The following SGCZ variants were observed in gnomAD, a reference collection of about 807,000 sequenced individuals.
SGCZ encodes the protein zeta-sarcoglycan.
In SGCZ, 40 loss-of-function variants were observed where a neutral mutation model predicts 41.3. The observed-to-expected ratio is 0.97, with a 90% confidence interval of 0.75 to 1.26. The LOEUF is 1.26. Ranked by LOEUF, SGCZ falls within the 50% of genes most tolerant of loss-of-function variation. SGCZ has a pLI of 0.00. For synonymous variants in SGCZ, 206 were observed against 137.5 expected (o/e 1.50, Z -3.49); for missense variants, 552 against 369.8 (o/e 1.49, Z -4.04).
intron 1 of SGCZ, among the ~76,000 whole-genome samples, chr8:15,087,211 C>G (rs1236903584): frequency 6.6e-6 from 1 of 152,056 alleles, no homozygotes; most frequent in African/African-American, 2.4e-5. Flanking sequence ...ATTGTCAACT[C>G]ATGTCACTCT....
chr8:15,017,896 T>G (rs1446463771), intron 1 of SGCZ, among the ~76,000 whole-genome samples: 1 of 152,096 alleles, frequency 6.6e-6, no homozygotes. Flanking sequence ...CTCTTTGCAA[T>G]TCAAAACTTT....
intron 1 of SGCZ, among the ~76,000 whole-genome samples, chr8:14,874,438 T>A (rs975994283): frequency 4.6e-5 from 7 of 152,134 alleles, no homozygotes; most frequent in African/African-American, 1.4e-4. Context: ...GAAAATATGT[T>A]ACTAAATAAA....
At chr8:14,695,080 C>A (rs1043400698) in intron 1 of SGCZ, among the ~76,000 whole-genome samples, 1 of 151,938 alleles carries the variant, frequency 6.6e-6, no homozygotes, top group Non-Finnish European at 1.5e-5. Context: ...AGCAAAGTGA[C>A]TAATGTCCAA....
At chr8:14,491,598 T>C (rs891392544) in intron 2 of SGCZ, among the ~76,000 whole-genome samples, 4 of 152,184 alleles carry the variant, frequency 2.6e-5, no homozygotes, top group Non-Finnish European at 4.4e-5. Context: ...AAAGCTGATA[T>C]CAATATGAAT....
At chr8:15,163,611 C>A (rs1200697462) in intron 1 of SGCZ, among the ~76,000 whole-genome samples, 1 of 152,142 alleles carries the variant, frequency 6.6e-6, no homozygotes, top group African/African-American at 2.4e-5. Flanking sequence ...TATTGCTTAA[C>A]TAGAGACCCT....
intron 3 of SGCZ, chr8:14,319,345 A>G (rs1314191631): frequency 6.6e-6 from 1 of 151,976 alleles, no homozygotes; most frequent in Non-Finnish European, 1.5e-5. Flanking sequence ...TGTGTTCACA[A>G]ATCTGAGGCA....
At position 14,188,577 on chromosome 8, in the gene SGCZ, CAG is replaced by C. The variant is rs552143195; in HGVS notation, c.425-23877_425-23876del. Among the ~76,000 whole-genome samples, 608 of 152,210 alleles carry C rather than the reference CAG, an allele frequency of 4.0e-3. 4 individuals carry two copies. The highest frequency in any genetic ancestry group is 0.014 in the African/African-American group (579 of 41,538). On this transcript the variant is annotated intron_variant, in intron 4 of 7. Coordinates refer to ENST00000382080, the MANE Select transcript of SGCZ (RefSeq NM_139167.4). ...TGTCGGTGCTGAGAGCGAAAGGGTT[CAG>C]AGTTTCTTCTGGGGATAATGGAAAA...
chr8:14,955,381 C>G (rs149300819), intron 1 of SGCZ, among the ~76,000 whole-genome samples: 153 of 152,300 alleles, frequency 1.0e-3, no homozygotes, highest in Middle Eastern at 6.8e-3. Context: ...AGCTGGGGCT[C>G]AAACGTACAA....
chr8:14,511,693 G>T (rs959276498), intron 2 of SGCZ, among the ~76,000 whole-genome samples: 2 of 152,052 alleles, frequency 1.3e-5, no homozygotes, highest in Admixed American at 1.3e-4. Context: ...AAAGAATTTA[G>T]GGAAGAAAAG....
chr8:14,356,419 A>G (rs930369677), intron 2 of SGCZ, among the ~76,000 whole-genome samples: 4 of 152,172 alleles, frequency 2.6e-5, no homozygotes, highest in Non-Finnish European at 4.4e-5. Context: ...AACTACAGAG[A>G]AAAATCATGA....
Position 14,377,739 on chromosome 8 carries a change from C to G in SGCZ, c.235-53535G>C, listed in dbSNP as rs140876685. Reference sequence around the variant, plus strand: ...GTTCCCTTTCCTATGTCCATGTGATCTCATTGTTCAATTCCCACCTATGAG... The same window carrying G: ...GTTCCCTTTCCTATGTCCATGTGATGTCATTGTTCAATTCCCACCTATGAG... On this transcript the variant is annotated intron_variant, in intron 2 of 7. Coordinates refer to ENST00000382080, the MANE Select transcript of SGCZ (RefSeq NM_139167.4). Among the ~76,000 whole-genome samples, 1,091 of 150,556 alleles carry G rather than the reference C, an allele frequency of 7.2e-3. 18 individuals carry two copies. Among genetic ancestry groups the G allele is most frequent in the African/African-American group, 0.026 (1,048 of 41,036 alleles).
chr8:14,093,784 C>T (rs1208511244), intron 7 of SGCZ, among the ~76,000 whole-genome samples: 1 of 152,080 alleles, frequency 6.6e-6, no homozygotes, highest in South Asian at 2.1e-4. Flanking sequence ...AAGGTCACCT[C>T]CTTGGAAATA....
At chr8:14,163,859 T>C (rs1804124799) in intron 5 of SGCZ, among the ~76,000 whole-genome samples, 1 of 152,126 alleles carries the variant, frequency 6.6e-6, no homozygotes, top group South Asian at 2.1e-4. Flanking sequence ...ACTTTATTAT[T>C]TTCTTCTTGT....
intron 2 of SGCZ, among the ~76,000 whole-genome samples, chr8:14,342,758 T>C (rs1429047812): frequency 6.6e-6 from 1 of 152,194 alleles, no homozygotes; most frequent in Non-Finnish European, 1.5e-5. Context: ...AAACCCATTT[T>C]CTGGGGAAAA....
chr8:14,953,543 A>T (rs1800707057), intron 1 of SGCZ, among the ~76,000 whole-genome samples: 5 of 152,180 alleles, frequency 3.3e-5, no homozygotes, highest in Admixed American at 3.3e-4. Flanking sequence ...TCATGTTAGC[A>T]CTGCCGTAGC....
chr8:15,208,230 A>C (rs557256417), intron 1 of SGCZ, among the ~76,000 whole-genome samples: 1 of 152,334 alleles, frequency 6.6e-6, no homozygotes, highest in South Asian at 2.1e-4. Context: ...ACGATGATGA[A>C]AGCATTCATC....
chr8:15,001,276 A>G (rs1802409956), intron 1 of SGCZ, among the ~76,000 whole-genome samples: 1 of 152,202 alleles, frequency 6.6e-6, no homozygotes, highest in African/African-American at 2.4e-5. Flanking sequence ...GGGAGTTTCA[A>G]ACACCAAACT....
At chr8:14,484,704 G>C (rs1324745342) in intron 2 of SGCZ, among the ~76,000 whole-genome samples, 2 of 152,014 alleles carry the variant, frequency 1.3e-5, no homozygotes, top group African/African-American at 2.4e-5. Flanking sequence ...ATTATTGTTT[G>C]AATCAATTTT....
chr8:14,524,213 T>G (rs1802872710), intron 2 of SGCZ, among the ~76,000 whole-genome samples: 1 of 151,238 alleles, frequency 6.6e-6, no homozygotes, highest in East Asian at 2.0e-4. Context: ...CAATTTTCTG[T>G]TTTAGTTTTT....
Sources: allele counts gnomAD v4.1 joint callset (sites outside exome capture counted in the v4.1 genomes callset), GRCh38; gene constraint gnomAD v4.1.1; transcripts MANE v1.5; gene names NCBI Gene and HGNC (gene_info 2026-07-23, HGNC 2026-07-21).